The following PLAUR variants were observed in gnomAD, a reference collection of about 807,000 sequenced individuals.
The protein encoded by PLAUR is plasminogen activator, urokinase receptor.
A neutral mutation model predicts 33.4 loss-of-function variants in PLAUR; 22 were observed. That is an observed-to-expected ratio of 0.66 (90% CI 0.47 to 0.94). The LOEUF (loss-of-function observed/expected upper bound fraction) is 0.94, where lower values mean the gene tolerates loss of function less well. PLAUR is among the 40% of genes least tolerant of loss of function. The pLI, the probability that PLAUR is intolerant of heterozygous loss-of-function variation, is 0.00. For missense variants in PLAUR, 408 were observed against 434.7 expected, an observed-to-expected ratio of 0.94 and a Z score of 0.55; for synonymous variants, 148 against 167.3, an observed-to-expected ratio of 0.88 and a Z score of 0.89.
intron 3 of PLAUR, among the ~76,000 whole-genome samples, chr19:43,662,887 T>A (rs1007693597): frequency 3.3e-5 from 5 of 152,172 alleles, no homozygotes; most frequent in Middle Eastern, 3.2e-3. Flanking sequence ...GCTAATTTTT[T>A]AATTTTTTTG....
intron 6 of PLAUR, among the ~76,000 whole-genome samples, chr19:43,650,605 C>T (rs988604490): frequency 2.0e-5 from 3 of 152,144 alleles, no homozygotes; most frequent in African/African-American, 7.2e-5. Flanking sequence ...GGATTATAGG[C>T]ATGAGCCACC....
intron 3 of PLAUR, among the ~76,000 whole-genome samples, chr19:43,662,235 C>T (rs529196378): frequency 1.3e-5 from 2 of 151,992 alleles, no homozygotes; most frequent in East Asian, 1.9e-4. Context: ...CGGTGGCTCA[C>T]GTCTGTAATC....
rs1385079917 is a variant in PLAUR, at chr19:43,667,365, T to C, written c.166+216A>G. Reference sequence around the variant, plus strand: ...GCTCTAAGTGGTTGATGTGCCAATTTACTCCCCCACCACAGACACGGTCTG... The same window carrying C: ...GCTCTAAGTGGTTGATGTGCCAATTCACTCCCCCACCACAGACACGGTCTG... On this transcript the variant is annotated intron_variant, in intron 2 of 6. Transcript: ENST00000340093. 3 of 582,836 alleles carry C rather than the reference T, an allele frequency of 5.1e-6. No homozygotes were observed. In the East Asian group the frequency reaches 8.5e-5, roughly 17 times the overall value. 36.1% of individuals were successfully genotyped at this position (582,836 alleles called of 1,614,324 possible).
chr19:43,669,809 C>CAA lies in PLAUR; in HGVS notation c.55+255_55+256dup, dbSNP rs59728904. Among the ~76,000 whole-genome samples, 67 of 71,182 alleles carry CAA rather than the reference C, an allele frequency of 9.4e-4. 1 individual carries two copies. The highest frequency in any genetic ancestry group is 1.8e-3 in the African/African-American group (35 of 19,000). The allele number at this position is 71,182 out of a possible 152,430, so 46.7% of individuals were successfully genotyped here. ...CCTGGGCGACAGAGTGAGACTCTGT[C>CAA]AAAAAAAAAAAAAAAAAAAAAAAAG... On this transcript the variant is annotated intron_variant, in intron 1 of 6. Transcript: ENST00000340093.
intron 5 of PLAUR, among the ~76,000 whole-genome samples, chr19:43,654,305 A>C (rs1342563859): frequency 2.0e-5 from 3 of 151,540 alleles, no homozygotes; most frequent in Non-Finnish European, 4.4e-5. Context: ...AAAACACAAA[A>C]CCCCAAAAAC....
downstream of PLAUR, among the ~76,000 whole-genome samples, chr19:43,647,407 G>A (rs935783184): frequency 1.8e-4 from 27 of 152,174 alleles, no homozygotes; most frequent in African/African-American, 6.5e-4. Flanking sequence ...GGAAATGTGG[G>A]GATGTCTCCT....
chr19:43,667,583 T>TCCCACAAG lies in PLAUR; in HGVS notation c.156_163dup (p.Glu55AlafsTer26). The TCCCACAAG allele has an allele frequency of 6.2e-7, 1 of 1,610,266 alleles. No homozygotes were observed. The highest frequency in any genetic ancestry group is 8.5e-7 in the Non-Finnish European group (1 of 1,176,610). ...GTGTGGGTTGGGGGGAAGCTCACCT[T>TCCCACAAG]CCCACAAGCGCACGATCGTGGTCCT... On this transcript the variant is annotated frameshift_variant, in exon 2 of 7. Coordinates refer to ENST00000340093, the MANE Select transcript of PLAUR (RefSeq NM_002659.4).
intron 3 of PLAUR, 23 bp from the exon 4 acceptor site, chr19:43,656,663 A>G: frequency 6.4e-7 from 1 of 1,565,472 alleles, no homozygotes; most frequent in Non-Finnish European, 8.7e-7. Flanking sequence ...GGGGGAGGGG[A>G]GTGAGACTCC....
intron 2 of PLAUR, among the ~76,000 whole-genome samples, chr19:43,666,333 G>T (rs4251826): frequency 9.9e-5 from 15 of 152,158 alleles, no homozygotes; most frequent in African/African-American, 3.4e-4. Context: ...TGTCCACATT[G>T]GTATCTGCAG....
intron 5 of PLAUR, among the ~76,000 whole-genome samples, chr19:43,654,702 C>G (rs1383675651): frequency 6.6e-6 from 1 of 152,056 alleles, no homozygotes; most frequent in East Asian, 1.9e-4. Flanking sequence ...CCAGTGCACT[C>G]CAGCCTGGGT....
intron 1 of PLAUR, chr19:43,667,963 G>C: frequency 7.6e-7 from 1 of 1,307,226 alleles, no homozygotes; most frequent in Non-Finnish European, 9.8e-7. Flanking sequence ...TTCTGTCCTC[G>C]TGAGGCGTAT....
chr19:43,670,082 GAGC>G lies in PLAUR; in HGVS notation c.36_38del (p.Leu13del), dbSNP rs768969786. 5.0e-6 allele frequency: 8 copies of G among 1,612,678 alleles called. No individual in the cohort carries two copies. Among genetic ancestry groups the G allele is most frequent in the Admixed American group, 3.3e-5 (2 of 59,948 alleles). On this transcript the variant is annotated inframe_deletion, in exon 1 of 7. Transcript: ENST00000340093. ...AGCCCCTACCTGGGACGCAGGTGTG[GAGC>G]AGCAGCAGCAGCGGCAGCAGCGGCG...
intron 3 of PLAUR, 34 bp downstream of exon 3, chr19:43,665,282 T>C: frequency 6.2e-7 from 1 of 1,609,406 alleles, no homozygotes; most frequent in South Asian, 1.1e-5. Flanking sequence ...GGGGATGGCT[T>C]GGGGTTGGGG....
intron 3 of PLAUR, chr19:43,660,407 T>G (rs1250384989): frequency 6.6e-6 from 1 of 151,616 alleles, no homozygotes; most frequent in Non-Finnish European, 1.5e-5. Context: ...ACTCCTGACC[T>G]TGTAATCCTC....
At chr19:43,652,711 C>T (rs1393112931) in intron 5 of PLAUR, among the ~76,000 whole-genome samples, 4 of 152,196 alleles carry the variant, frequency 2.6e-5, no homozygotes, top group Non-Finnish European at 4.4e-5. Flanking sequence ...AGTGCAGTGG[C>T]GCAATTGTAG....
Position 43,659,167 on chromosome 19 carries a change from C to CTTTTTTTTTTTTTTTTTTT in PLAUR, c.311-2528_311-2527insAAAAAAAAAAAAAAAAAAA, listed in dbSNP as rs3052823. Among the ~76,000 whole-genome samples, 24 of 97,128 alleles carry CTTTTTTTTTTTTTTTTTTT rather than the reference C, an allele frequency of 2.5e-4. 3 individuals are homozygous for CTTTTTTTTTTTTTTTTTTT. The highest frequency in any genetic ancestry group is 7.1e-4 in the South Asian group (2 of 2,834). The allele number at this position is 97,128 out of a possible 152,430, so 63.7% of individuals were successfully genotyped here. A position where few individuals can be genotyped will look rare whatever the true frequency, so the allele number is the denominator to read the frequency against. On this transcript the variant is annotated intron_variant, in intron 3 of 6. Transcript: ENST00000340093. ...GCTATTTTCCTTTTTCTTTTCTTTT[C>CTTTTTTTTTTTTTTTTTTT]TTTTTTTTTTTTTTTGAGATAGGGT...
intron 3 of PLAUR, among the ~76,000 whole-genome samples, chr19:43,658,987 C>T (rs965148243): frequency 1.3e-5 from 2 of 151,940 alleles, no homozygotes; most frequent in African/African-American, 4.8e-5. Flanking sequence ...AATTTCACCT[C>T]CTCTAGGAAG....
chr19:43,650,416 C>T (rs1031436418), intron 6 of PLAUR, among the ~76,000 whole-genome samples: 2 of 151,808 alleles, frequency 1.3e-5, no homozygotes, highest in Non-Finnish European at 2.9e-5. Context: ...ACCTCCACCT[C>T]CCAGGCTCAA....
In PLAUR at chr19:43,656,652, AGGGGGAGG is replaced by A; in HGVS notation, c.311-20_311-13del. On this transcript the variant is annotated splice_polypyrimidine_tract_variant and intron_variant, in intron 3 of 6. Transcript: ENST00000340093. The stretch of plus-strand genomic sequence containing the variant: ...GGTGACAGCCCGGCCTGTTTGGAAG[AGGGGGAGG>A]GGAGTGAGACTCCATGGGGACAGTC... 6 of 1,577,106 alleles carry A rather than the reference AGGGGGAGG, an allele frequency of 3.8e-6. No individual in the cohort carries two copies. Among genetic ancestry groups the A allele is most frequent in the Non-Finnish European group, 5.2e-6 (6 of 1,157,766 alleles).
Sources: gnomAD v4.1 joint callset for allele counts (sites outside exome capture counted in the v4.1 genomes callset) on GRCh38, gnomAD v4.1.1 for gene constraint, MANE v1.5 for transcripts, NCBI Gene and HGNC (gene_info 2026-07-23, HGNC 2026-07-21) for gene names.